EVPL: variants seen among roughly 807,000 people sequenced by gnomAD.
The protein encoded by EVPL is envoplakin, also known as 210 kDa cornified envelope precursor protein.
In EVPL, 94 loss-of-function variants were observed where a neutral mutation model predicts 129.7. The ratio of observed to expected loss-of-function variants is 0.72; its 90% CI spans 0.61 to 0.86. The LOEUF is 0.86. Ranked by LOEUF, EVPL falls within the 40% of genes least tolerant of loss-of-function variation. The pLI is 0.00. For missense variants in EVPL, 2,625 were observed against 2,721.1 expected (o/e 0.96, Z 0.79); for synonymous variants, 1,172 against 1,191.1 (o/e 0.98, Z 0.33).
Position 76,018,523 on chromosome 17 carries a change from G to A in EVPL, c.1362C>T (p.Gly454=), listed in dbSNP as rs116702053. 1.2e-3 allele frequency: 2,002 copies of A among 1,612,668 alleles called. 15 individuals carry two copies. The African/African-American group carries it at 0.022, about 18-fold the overall frequency. ...DPHAWVVQGP[G]GETKRAPAAC... ...CGGCGGGAGCACGCTTGGTCTCCCC[G>A]CCAGGGCCCTGCACGACCCAGGCGT... The change falls in exon 12 of 22, where the codon GGC becomes GGT. Residue 454 remains glycine (G), a synonymous_variant. Coordinates refer to ENST00000301607, the MANE Select transcript of EVPL (RefSeq NM_001988.4).
intron 1 of EVPL, 83 bp downstream of exon 1, chr17:76,027,018 C>T: frequency 1.2e-6 from 1 of 830,486 alleles, no homozygotes; most frequent in East Asian, 3.0e-5. Flanking sequence ...TGGGCCGCCG[C>T]CGCCGCCAGG....
chr17:76,020,826 G>T (rs1264785524), intron 9 of EVPL, among the ~76,000 whole-genome samples: 1 of 152,012 alleles, frequency 6.6e-6, no homozygotes, highest in African/African-American at 2.4e-5. Flanking sequence ...CAAAGTGCTG[G>T]AATTACAGAT....
chr17:76,007,976 G>T lies in EVPL; in HGVS notation c.5229C>A (p.Ser1743Arg), dbSNP rs778352945. The T allele has an allele frequency of 1.2e-6, 2 of 1,613,992 alleles. No homozygotes were observed. The highest frequency in any genetic ancestry group is 2.7e-5 in the African/African-American group (2 of 74,924). ...GEESVLLDRK[S>R]GKQYSIEAAL... ...CGGCCTCGATGGAGTACTGCTTCCC[G>T]CTCTTGCGGTCCAGGAGCACAGACT... Residue 1743 changes from serine (S) to arginine (R), a missense_variant, in exon 22 of 22, where the codon AGC becomes AGA. By Grantham distance (110) the Ser-to-Arg change is moderately radical. Coordinates refer to ENST00000301607, the MANE Select transcript of EVPL (RefSeq NM_001988.4). This position sits in a 1 kb window ranked among gnomAD's most constrained non-coding sequence, Gnocchi z 8.8.
chr17:76,007,193 G>C lies in EVPL; in HGVS notation c.6012C>G (p.Pro2004=). The C allele has an allele frequency of 6.5e-7, 1 of 1,536,836 alleles. No individual in the cohort carries two copies. The highest frequency in any genetic ancestry group is 1.2e-5 in the South Asian group (1 of 80,572). The change falls in exon 22 of 22, where the codon CCC becomes CCG. Residue 2004 remains proline (P), a synonymous_variant. Transcript: ENST00000301607. The surrounding 1 kb of genome is among the most constrained non-coding windows in gnomAD (Gnocchi z 8.8). ...CTGGCAGGAGCAGCAGGCCGCTCAGGGGGTCTTTGCGGCAGCGGCCCATGG... is the reference window on the plus strand; with the variant it reads ...CTGGCAGGAGCAGCAGGCCGCTCAGCGGGTCTTTGCGGCAGCGGCCCATGG... ...KEAMGRCRKD[P]LSGLLLLPAA... is the part of the protein sequence containing the mutation.
At position 76,008,532 on chromosome 17, in the gene EVPL, C is replaced by T. The variant is rs148554122; in HGVS notation, c.4673G>A (p.Arg1558Gln). ...CCGGTCAATGCGCTCCCGCAGGCGC[C>T]GTGCCTCCTCCTCCCGGGCCTGCCG... is the stretch of plus-strand genomic sequence containing the variant. ...TARQAREEEA[R>Q]RLRERIDRAE... The change falls in exon 22 of 22, where the codon CGG (arginine) becomes CAG (glutamine). Residue 1558 changes from arginine (R) to glutamine (Q), a missense_variant. Transcript: ENST00000301607. This position sits in a 1 kb window ranked among gnomAD's most constrained non-coding sequence, Gnocchi z 7.4. 1.6e-5 allele frequency: 25 copies of T among 1,606,970 alleles called. No homozygotes were observed. The highest frequency in any genetic ancestry group is 3.3e-5 in the South Asian group (3 of 91,016).
rs1351578830 is a variant in EVPL, at chr17:76,009,106, C to T, written c.4099G>A (p.Glu1367Lys). 3 of 1,613,160 alleles carry T rather than the reference C, an allele frequency of 1.9e-6. No individual in the cohort carries two copies. The highest frequency in any genetic ancestry group is 8.5e-7 in the Non-Finnish European group (1 of 1,179,500). Residue 1367 changes from glutamate to lysine, a missense_variant, in exon 22 of 22, where the codon GAG (glutamate) becomes AAG (lysine). Physicochemically the swap from Glu to Lys is moderately conservative, Grantham distance 56. Around this residue, in one of 4 missense-constraint regions of EVPL, gnomAD observed 1,453 missense variants for 1,511.8 expected, o/e 0.96. Coordinates refer to ENST00000301607, the MANE Select transcript of EVPL (RefSeq NM_001988.4). This position sits in a 1 kb window ranked among gnomAD's most constrained non-coding sequence, Gnocchi z 5.9. ...ACCTCCTGCACCACCACCTTCTCCT[C>T]GGGCTTCCTCCTCTCCAGCAGCAGG... ...KRLLLERRKP[E>K]EKVVVQEVVV...
intron 18 of EVPL, 154 bp from the exon 19 acceptor site, chr17:76,012,243 C>G: frequency 1.7e-6 from 1 of 584,854 alleles, no homozygotes; most frequent in Non-Finnish European, 3.0e-6. Flanking sequence ...CCCTCCTTTC[C>G]CTGACATCAT....
chr17:76,012,212 G>A, intron 18 of EVPL, 123 bp from the exon 19 acceptor site: 1 of 674,198 alleles, frequency 1.5e-6, no homozygotes. Flanking sequence ...AAAGGGCAGG[G>A]AGGGAGACCT....
Position 76,009,547 on chromosome 17 carries a change from T to TCTC in EVPL, c.3655_3657dup (p.Glu1219dup). The TCTC allele has an allele frequency of 6.2e-7, 1 of 1,613,976 alleles. No individual in the cohort carries two copies. The highest frequency in any genetic ancestry group is 8.5e-7 in the Non-Finnish European group (1 of 1,179,996). On this transcript the variant is annotated inframe_insertion, in exon 22 of 22. Coordinates refer to ENST00000301607, the MANE Select transcript of EVPL (RefSeq NM_001988.4). The surrounding 1 kb of genome is among the most constrained non-coding windows in gnomAD (Gnocchi z 5.9). ...TCCACACCGCTCCTCTTGCCCGCCA[T>TCTC]CTCCTGCAGCTTGGCCTTGAGCCGA...
rs780582664 is a variant in EVPL at position 76,019,762 on chromosome 17, C to T, written c.1012-109G>A. ...TAAACACAAAGCAGCTAAACCTAAA[C>T]CAGCTAAACACAAACCAGCTAAACA... On this transcript the variant is annotated intron_variant, in intron 9 of 21. Coordinates refer to ENST00000301607, the MANE Select transcript of EVPL (RefSeq NM_001988.4). 1.0e-5 allele frequency: 14 copies of T among 1,376,696 alleles called. No individual in the cohort carries two copies. In the East Asian group the frequency reaches 3.5e-4, roughly 35 times the overall value. The allele number at this position is 1,376,696 out of a possible 1,614,324, so 85.3% of individuals were successfully genotyped here.
Position 76,008,410 on chromosome 17 carries a change from G to T in EVPL, c.4795C>A (p.Leu1599Met). The change falls in exon 22 of 22, where the codon CTG (leucine) becomes ATG (methionine). Residue 1599 changes from leucine to methionine, a missense_variant. This residue lies in a region of EVPL where 1,453 missense variants were observed against 1,511.8 expected (regional missense o/e 0.96). Coordinates refer to ENST00000301607, the MANE Select transcript of EVPL (RefSeq NM_001988.4). This position sits in a 1 kb window ranked among gnomAD's most constrained non-coding sequence, Gnocchi z 7.4. Reference protein sequence around the residue: ...DQECGRLQQELRALERQKQQQ... With the variant: ...DQECGRLQQEMRALERQKQQQ... ...TGCTTCTGCCTCTCCAGAGCCCGCA[G>T]CTCCTGCTGCAGCCGCCCACACTCC... The T allele has an allele frequency of 6.3e-7, 1 of 1,593,330 alleles. No homozygotes were observed. Among genetic ancestry groups the T allele is most frequent in the Non-Finnish European group, 8.5e-7 (1 of 1,175,698 alleles).
intron 18 of EVPL, among the ~76,000 whole-genome samples, chr17:76,014,155 C>A (rs1405274237): frequency 3.3e-5 from 5 of 152,202 alleles, no homozygotes; most frequent in African/African-American, 1.2e-4. Context: ...GAACACATTG[C>A]CTGGTACATG....
In EVPL at chr17:76,022,151, A is replaced by C. The variant is rs1407655719; in HGVS notation, c.645+38T>G. On this transcript the variant is annotated intron_variant, in intron 6 of 21. Coordinates refer to ENST00000301607, the MANE Select transcript of EVPL (RefSeq NM_001988.4). The surrounding 1 kb of genome is among the most constrained non-coding windows in gnomAD (Gnocchi z 5.6). ...AGGGTCCGGGCGGCCACCCAGGCCC[A>C]CCCGCAGCCTCCCTGCCCGACCCTC... 2 of 1,608,806 alleles carry C rather than the reference A, an allele frequency of 1.2e-6. No homozygotes were observed. Among genetic ancestry groups the C allele is most frequent in the Non-Finnish European group, 1.7e-6 (2 of 1,178,520 alleles).
chr17:76,019,095 A>C (rs748965477), intron 10 of EVPL, 35 bp from the exon 11 acceptor site: 1 of 1,544,504 alleles, frequency 6.5e-7, no homozygotes, highest in Non-Finnish European at 8.6e-7. Flanking sequence ...GACTCAGGCC[A>C]GGCTGCATTG....
At chr17:76,010,942 A>G (rs2066372400) in intron 21 of EVPL, among the ~76,000 whole-genome samples, 1 of 152,154 alleles carries the variant, frequency 6.6e-6, no homozygotes, top group Admixed American at 6.5e-5. Context: ...CATGCCTGTA[A>G]TCCCAGTTAC....
rs1318667092 is a variant in EVPL at position 76,013,596 on chromosome 17, C to T, written c.2373+830G>A. Among the ~76,000 whole-genome samples the T allele has an allele frequency of 6.6e-6, 1 of 152,196 alleles. No individual in the cohort carries two copies. The highest frequency in any genetic ancestry group is 1.9e-4 in the East Asian group (1 of 5,194). ...GCATCACCGGGCCCCGTCCATCTCA[C>T]TCACTGTCCCCTTCAAGCAGTCACC... On this transcript the variant is annotated intron_variant, in intron 18 of 21. Coordinates refer to ENST00000301607, the MANE Select transcript of EVPL (RefSeq NM_001988.4). This position sits in a 1 kb window ranked among gnomAD's most constrained non-coding sequence, Gnocchi z 4.3.
chr17:76,023,147 T>C, intron 4 of EVPL, 145 bp downstream of exon 4: 1 of 1,395,598 alleles, frequency 7.2e-7, no homozygotes, highest in Non-Finnish European at 9.7e-7. Flanking sequence ...CTTCCCTGAC[T>C]GCACTGTCTA....
At chr17:76,021,631 C>T (rs1199162221) in intron 8 of EVPL, 43 bp downstream of exon 8, 12 of 1,531,746 alleles carry the variant, frequency 7.8e-6, no homozygotes, top group South Asian at 4.8e-5. Flanking sequence ...CCCCCTTCCC[C>T]GCCCACCACG....
chr17:76,024,450 C>T lies in EVPL; in HGVS notation c.99-330G>A, dbSNP rs912951727. Among the ~76,000 whole-genome samples, 4 of 152,080 alleles carry T rather than the reference C, an allele frequency of 2.6e-5. No individual in the cohort carries two copies. Among genetic ancestry groups the T allele is most frequent in the Admixed American group, 2.0e-4 (3 of 15,272 alleles). Reference sequence around the variant, plus strand: ...CCTAGCTACCTGCCACTTCCCTCCCCGAGCCAGTGAATCACCGGCTCAGCC... The same window carrying T: ...CCTAGCTACCTGCCACTTCCCTCCCTGAGCCAGTGAATCACCGGCTCAGCC... On this transcript the variant is annotated intron_variant, in intron 1 of 21. Transcript: ENST00000301607. This position sits in a 1 kb window ranked among gnomAD's most constrained non-coding sequence, Gnocchi z 4.5.
Sources: allele counts gnomAD v4.1 joint callset (sites outside exome capture counted in the v4.1 genomes callset), GRCh38; gene constraint gnomAD v4.1.1; regional missense constraint gnomAD v4.1.1; non-coding constraint Gnocchi (gnomAD v3.1); transcripts MANE v1.5; gene names NCBI Gene and HGNC (gene_info 2026-07-23, HGNC 2026-07-21).